LRP5: variants seen among roughly 807,000 people sequenced by gnomAD.
LRP5 encodes LDL receptor related protein 5.
Under a neutral mutation model 154.1 loss-of-function variants are expected in LRP5, and 62 were observed. That is an observed-to-expected ratio of 0.40 (90% CI 0.33 to 0.50). LRP5 has a LOEUF of 0.50. Among genes scored for constraint, LRP5 ranks in the 20% least tolerant of loss-of-function variants. The pLI, the probability that LRP5 is intolerant of heterozygous loss-of-function variation, is 0.55. For synonymous variants in LRP5, 966 were observed against 1,011.5 expected (o/e 0.96, Z 0.85); for missense variants, 1,915 against 2,336.7 (o/e 0.82, Z 3.72).
rs191716100 is a variant in LRP5, at chr11:68,390,977, T to C, written c.1584+925T>C. On this transcript the variant is annotated intron_variant, in intron 7 of 22. Coordinates refer to ENST00000294304, the MANE Select transcript of LRP5 (RefSeq NM_002335.4). ...TTGTTTGTTTTTGTTTGATTTTGTTTGATTGTTTGTTTTTGTTGTCGTTGT... is the reference window on the plus strand; with the variant it reads ...TTGTTTGTTTTTGTTTGATTTTGTTCGATTGTTTGTTTTTGTTGTCGTTGT... 4.5e-3 allele frequency among the ~76,000 whole-genome samples: 691 copies of C among 152,282 alleles called. 2 individuals carry two copies. The highest frequency in any genetic ancestry group is 6.5e-3 in the Non-Finnish European group (442 of 68,016).
rs1187683708 is a variant in LRP5, at chr11:68,416,314, T to G, written c.2828-14T>G. 6.2e-7 allele frequency: 1 copy of G among 1,613,312 alleles called. No homozygotes were observed. Among genetic ancestry groups the G allele is most frequent in the Non-Finnish European group, 8.5e-7 (1 of 1,179,664 alleles). The stretch of plus-strand genomic sequence containing the variant: ...ACAGACACCCACCTGCAGCCCTGTC[T>G]TTGCCTCCTCTAGCGCCCACCACCT... On this transcript the variant is annotated splice_polypyrimidine_tract_variant and intron_variant, in intron 12 of 22. Coordinates refer to ENST00000294304, the MANE Select transcript of LRP5 (RefSeq NM_002335.4).
chr11:68,382,499 T>C (rs1400923893), intron 5 of LRP5, among the ~76,000 whole-genome samples: 1 of 152,152 alleles, frequency 6.6e-6, no homozygotes, highest in Admixed American at 6.5e-5. Flanking sequence ...TGGCTATGTG[T>C]TCACGGATGG....
At chr11:68,317,184 A>AT (rs1364788362) in intron 1 of LRP5, among the ~76,000 whole-genome samples, 1 of 152,172 alleles carries the variant, frequency 6.6e-6, no homozygotes, top group Admixed American at 6.5e-5. Context: ...TGCTCTCTGC[A>AT]TTCTCTTCAG....
Position 68,403,872 on chromosome 11 carries a change from G to A in LRP5, c.1801+173G>A, listed in dbSNP as rs910894883. On this transcript the variant is annotated intron_variant, in intron 8 of 22. Coordinates refer to ENST00000294304, the MANE Select transcript of LRP5 (RefSeq NM_002335.4). The stretch of plus-strand genomic sequence containing the variant: ...GGACAGATGGGAAGGGACCAAGGGA[G>A]CTGATTAGGGAGTGGTTATGGACTA... The A allele has an allele frequency of 8.7e-6, 6 of 691,284 alleles. No homozygotes were observed. In the Admixed American group the frequency reaches 1.6e-4, roughly 18 times the overall value. 42.8% of individuals were successfully genotyped at this position (691,284 alleles called of 1,614,324 possible).
chr11:68,341,234 G>A (rs1380764827), intron 1 of LRP5, among the ~76,000 whole-genome samples: 1 of 151,888 alleles, frequency 6.6e-6, no homozygotes, highest in African/African-American at 2.4e-5. Flanking sequence ...TTTCTGAAAG[G>A]TTTGTTCTGC....
At chr11:68,388,920 G>A (rs567090062) in intron 6 of LRP5, among the ~76,000 whole-genome samples, 8 of 152,168 alleles carry the variant, frequency 5.3e-5, no homozygotes, top group South Asian at 4.1e-4. Flanking sequence ...ACTGACACCA[G>A]CATCTACTGA....
chr11:68,337,742 T>TC (rs1462164509), intron 1 of LRP5, among the ~76,000 whole-genome samples: 2 of 151,044 alleles, frequency 1.3e-5, no homozygotes, highest in Non-Finnish European at 3.0e-5. Flanking sequence ...GCCTGCCTGA[T>TC]CCACCCACAG....
chr11:68,446,590 A>G, intron 22 of LRP5, 57 bp downstream of exon 22: 1 of 1,437,820 alleles, frequency 7.0e-7, no homozygotes. Flanking sequence ...CCCGTGGTGG[A>G]GGGGCCTAAT....
intron 13 of LRP5, among the ~76,000 whole-genome samples, chr11:68,419,579 G>A (rs556673143): frequency 2.8e-5 from 4 of 144,058 alleles, no homozygotes; most frequent in East Asian, 2.0e-4. Flanking sequence ...TCACTCTATC[G>A]CCCAGGCTGG....
upstream of LRP5, among the ~76,000 whole-genome samples, chr11:68,310,328 T>C (rs113808904): frequency 0.012 from 1,899 of 152,218 alleles, 51 homozygotes; most frequent in African/African-American, 0.044. Flanking sequence ...GGCCCCTCTC[T>C]GTAGTCCTAA....
chr11:68,344,847 CTCTTTT>C lies in LRP5; in HGVS notation c.92-2998_92-2993del, dbSNP rs368903017. On this transcript the variant is annotated intron_variant, in intron 1 of 22. Coordinates refer to ENST00000294304, the MANE Select transcript of LRP5 (RefSeq NM_002335.4). Reference sequence around the variant, plus strand: ...TGTTGTAGCATGTGTCAGAATCTCTCTCTTTTTTTTTTTTTTTTTTTTTTTTTTTTT... The same window carrying C: ...TGTTGTAGCATGTGTCAGAATCTCTCTTTTTTTTTTTTTTTTTTTTTTTTT... Among the ~76,000 whole-genome samples the C allele has an allele frequency of 3.0e-3, 348 of 117,942 alleles. 6 individuals carry two copies. Among genetic ancestry groups the C allele is most frequent in the African/African-American group, 0.011 (333 of 30,306 alleles). The allele number at this position is 117,942 out of a possible 152,430, so 77.4% of individuals were successfully genotyped here.
At chr11:68,424,909 G>T (rs894558153) in intron 14 of LRP5, among the ~76,000 whole-genome samples, 193 bp from the exon 15 acceptor site, 16 of 152,234 alleles carry the variant, frequency 1.1e-4, no homozygotes, top group Non-Finnish European at 2.9e-5. Context: ...TTCCAAATAA[G>T]CTCACATTCT....
rs2098643187 is a variant in LRP5 at position 68,386,575 on chromosome 11, G to A, written c.1275G>A (p.Trp425Ter). The stretch of plus-strand genomic sequence containing the variant: ...ACCCCGATGGCATCGCGGTCGACTG[G>A]GTGGCCCGAAACCTCTACTGGACCG... ...INDPDGIAVDWVARNLYWTDT... is the reference protein window; with the variant it reads ...INDPDGIAVD The change falls in exon 6 of 23, where the codon TGG (tryptophan) becomes TGA (stop). Residue 425 changes from tryptophan to a stop codon, truncating the protein, a stop_gained. Coordinates refer to ENST00000294304, the MANE Select transcript of LRP5 (RefSeq NM_002335.4). LOFTEE classifies it high-confidence loss of function. This position sits in a 1 kb window ranked among gnomAD's most constrained non-coding sequence, Gnocchi z 7.9. The A allele has an allele frequency of 6.2e-7, 1 of 1,613,640 alleles. No homozygotes were observed. Among genetic ancestry groups the A allele is most frequent in the Non-Finnish European group, 8.5e-7 (1 of 1,179,970 alleles).
intron 9 of LRP5, among the ~76,000 whole-genome samples, chr11:68,409,095 T>TATATATATATATATACAC (rs1311618305): frequency 3.6e-5 from 1 of 27,758 alleles, no homozygotes. Flanking sequence ...TATATATATA[T>TATATATATATATATACAC]ACACACACAT....
At chr11:68,439,950 A>G (rs1028418024) in intron 21 of LRP5, 34 bp downstream of exon 21, 13 of 990,948 alleles carry the variant, frequency 1.3e-5, no homozygotes, top group Non-Finnish European at 1.9e-5. Flanking sequence ...GCGGGGCGGG[A>G]TGGGGCTGTG....
At chr11:68,399,241 C>T (rs1375555307) in intron 7 of LRP5, among the ~76,000 whole-genome samples, 1 of 151,790 alleles carries the variant, frequency 6.6e-6, no homozygotes, top group African/African-American at 2.4e-5. Context: ...TGTGGTGGCT[C>T]ACGCCTGTGG....
chr11:68,301,792 AT>A, the LRP5 span, among the ~76,000 whole-genome samples: 2 of 118,382 alleles, frequency 1.7e-5, no homozygotes, highest in Middle Eastern at 4.0e-3. Context: ...TGCCTGGCTA[AT>A]TTTTTTTGTA....
chr11:68,429,076 G>A (rs1170690749), intron 16 of LRP5, among the ~76,000 whole-genome samples: 10 of 147,696 alleles, frequency 6.8e-5, no homozygotes, highest in African/African-American at 2.3e-4. Flanking sequence ...CAGCCTGGGC[G>A]ATAGAGCAAG....
chr11:68,336,505 G>GCACTCACCAGCAC (rs2098605792), intron 1 of LRP5, among the ~76,000 whole-genome samples: 1 of 151,820 alleles, frequency 6.6e-6, no homozygotes, highest in African/African-American at 2.4e-5. Context: ...TTTTGCTTTT[G>GCACTCACCAGCAC]TCACCCAGGC....
Sources: gnomAD v4.1 joint callset for allele counts (sites outside exome capture counted in the v4.1 genomes callset) on GRCh38, gnomAD v4.1.1 for gene constraint, Gnocchi (gnomAD v3.1) non-coding constraint, MANE v1.5 for transcripts, NCBI Gene and HGNC (gene_info 2026-07-23, HGNC 2026-07-21) for gene names.